NELL1: variants seen among roughly 807,000 people sequenced by gnomAD.
NELL1 encodes neural EGFL like 1.
In NELL1, 76 loss-of-function variants were observed where a neutral mutation model predicts 107.4. That is an observed-to-expected ratio of 0.71 (90% CI 0.59 to 0.86). The LOEUF is 0.86. NELL1 is among the 40% of genes least tolerant of loss of function. NELL1 has a pLI of 0.00. For synonymous variants in NELL1, 353 were observed against 341.2 expected, an observed-to-expected ratio of 1.03 and a Z score of -0.38; for missense variants, 1,024 against 1,005.5, an observed-to-expected ratio of 1.02 and a Z score of -0.25.
At chr11:21,019,583 A>G (rs1381105555) in intron 12 of NELL1, among the ~76,000 whole-genome samples, 4 of 152,046 alleles carry the variant, frequency 2.6e-5, no homozygotes, top group African/African-American at 7.2e-5. Context: ...TCCTGTTTCA[A>G]CCACAGGGGA....
chr11:21,253,404 T>C (rs551857451), intron 14 of NELL1, among the ~76,000 whole-genome samples: 1 of 152,228 alleles, frequency 6.6e-6, no homozygotes, highest in East Asian at 1.9e-4. Context: ...CACTGTGTCA[T>C]TTTCCAATGT....
intron 2 of NELL1, among the ~76,000 whole-genome samples, chr11:20,725,347 G>A (rs1855485382): frequency 6.6e-6 from 1 of 152,146 alleles, no homozygotes; most frequent in South Asian, 2.1e-4. Flanking sequence ...TGTGTCAGTG[G>A]CATCAGGGAA....
chr11:21,182,416 C>T, intron 13 of NELL1, among the ~76,000 whole-genome samples: 1 of 139,342 alleles, frequency 7.2e-6, no homozygotes, highest in South Asian at 2.3e-4. Flanking sequence ...GCCTGGGTGA[C>T]AGAGTGAGAC....
At chr11:21,330,488 TC>T (rs35597669) in intron 14 of NELL1, among the ~76,000 whole-genome samples, 42,309 of 151,932 alleles carry the variant, frequency 0.28, 6,003 homozygotes, top group Admixed American at 0.38. Context: ...AGATAGTTTT[TC>T]TGGGAATGAG....
chr11:21,475,982 A>T (rs1450774828), intron 15 of NELL1, among the ~76,000 whole-genome samples: 2 of 152,106 alleles, frequency 1.3e-5, no homozygotes, highest in Non-Finnish European at 2.9e-5. Context: ...AATTTATTCA[A>T]ATGATACCTT....
intron 1 of NELL1, among the ~76,000 whole-genome samples, chr11:20,676,251 A>AC (rs924528204): frequency 3.7e-5 from 5 of 135,716 alleles, no homozygotes; most frequent in Non-Finnish European, 4.7e-5. Context: ...CTAAAGTAGG[A>AC]CCCCCCCATC....
chr11:21,261,107 G>A (rs1848521184), intron 14 of NELL1, among the ~76,000 whole-genome samples: 1 of 151,624 alleles, frequency 6.6e-6, no homozygotes, highest in Non-Finnish European at 1.5e-5. Flanking sequence ...TACTTAGAAT[G>A]TTAGTCTGCT....
intron 2 of NELL1, among the ~76,000 whole-genome samples, chr11:20,716,030 G>A (rs1590228985): frequency 6.6e-6 from 1 of 152,136 alleles, no homozygotes; most frequent in East Asian, 1.9e-4. Context: ...AAATGTAAGT[G>A]AAAAAAAGAT....
chr11:20,993,918 C>T (rs965514502), intron 12 of NELL1, among the ~76,000 whole-genome samples: 3 of 148,708 alleles, frequency 2.0e-5, no homozygotes, highest in African/African-American at 4.9e-5. Flanking sequence ...AAAATCAGTA[C>T]GAATCAGGCA....
At chr11:20,680,333 G>T (rs1012475191) in intron 2 of NELL1, among the ~76,000 whole-genome samples, 2 of 151,962 alleles carry the variant, frequency 1.3e-5, no homozygotes, top group Non-Finnish European at 2.9e-5. Context: ...TCACCCCATC[G>T]CAGTATCTCA....
At chr11:20,956,944 T>C (rs1851187314) in intron 11 of NELL1, among the ~76,000 whole-genome samples, 1 of 152,150 alleles carries the variant, frequency 6.6e-6, no homozygotes, top group African/African-American at 2.4e-5. Context: ...CTGCCTAATA[T>C]AGAAACAACT....
intron 13 of NELL1, among the ~76,000 whole-genome samples, chr11:21,226,927 A>G (rs1857908482): frequency 6.6e-6 from 1 of 152,162 alleles, no homozygotes; most frequent in African/African-American, 2.4e-5. Flanking sequence ...AACATGAAAA[A>G]CTAGAGAGGT....
intron 16 of NELL1, among the ~76,000 whole-genome samples, chr11:21,540,432 T>C (rs1856262769): frequency 6.6e-6 from 1 of 152,094 alleles, no homozygotes; most frequent in Non-Finnish European, 1.5e-5. Context: ...AGTGAGAACA[T>C]GAAATATTTA....
In NELL1 at chr11:21,574,868, A is replaced by G. The variant is rs1591049664; in HGVS notation, c.2383-104A>G. 3.4e-6 allele frequency: 3 copies of G among 892,936 alleles called. No homozygotes were observed. In the East Asian group the frequency reaches 7.5e-5, roughly 22 times the overall value. The allele number at this position is 892,936 out of a possible 1,614,324, so 55.3% of individuals were successfully genotyped here. A position where few individuals can be genotyped will look rare whatever the true frequency, so the allele number is the denominator to read the frequency against. ...TAGTCATTTTTTATAGCCTTCTTGA[A>G]GTTTGTCTCAAAATGCTGAAAGTTG... On this transcript the variant is annotated intron_variant, in intron 19 of 19. Coordinates refer to ENST00000357134, the MANE Select transcript of NELL1 (RefSeq NM_006157.5).
intron 2 of NELL1, among the ~76,000 whole-genome samples, chr11:20,723,402 CA>C (rs1855437063): frequency 6.6e-6 from 1 of 152,058 alleles, no homozygotes; most frequent in Admixed American, 6.5e-5. Context: ...AGACATTGGC[CA>C]AAACACAGGG....
intron 10 of NELL1, among the ~76,000 whole-genome samples, chr11:20,938,902 CTCTCTG>C (rs1188728187): frequency 2.0e-4 from 14 of 69,296 alleles, no homozygotes; most frequent in African/African-American, 5.2e-4. Context: ...TCTCTCTTCT[CTCTCTG>C]TCTCTCTCTC....
chr11:21,034,474 C>CT (rs2134321780), intron 12 of NELL1, among the ~76,000 whole-genome samples: 1 of 152,244 alleles, frequency 6.6e-6, no homozygotes, highest in East Asian at 1.9e-4. Context: ...GGCACATACT[C>CT]TAAAATTGAT....
intron 14 of NELL1, among the ~76,000 whole-genome samples, chr11:21,351,525 A>C (rs1246278157): frequency 6.6e-6 from 1 of 150,766 alleles, no homozygotes; most frequent in Non-Finnish European, 1.5e-5. Context: ...TTTCCAGTAA[A>C]AAAAAAAAAA....
chr11:20,916,303 A>G (rs1406205156), intron 5 of NELL1, among the ~76,000 whole-genome samples: 1 of 151,904 alleles, frequency 6.6e-6, no homozygotes, highest in African/African-American at 2.4e-5. Flanking sequence ...AAGTAAGGAG[A>G]GATGCCCATA....
Sources: allele counts gnomAD v4.1 joint callset (sites outside exome capture counted in the v4.1 genomes callset), GRCh38; gene constraint gnomAD v4.1.1; transcripts MANE v1.5; gene names NCBI Gene and HGNC (gene_info 2026-07-23, HGNC 2026-07-21).